USP14: variants seen among roughly 807,000 people sequenced by gnomAD.
USP14 encodes ubiquitin carboxyl-terminal hydrolase 14.
A neutral mutation model predicts 76.5 loss-of-function variants in USP14; 38 were observed. The ratio of observed to expected loss-of-function variants is 0.50; its 90% CI spans 0.38 to 0.65. The LOEUF (loss-of-function observed/expected upper bound fraction) is 0.65, where lower values mean the gene tolerates loss of function less well. Ranked by LOEUF, USP14 falls within the 30% of genes least tolerant of loss-of-function variation. USP14 has a pLI of 0.00. For missense variants in USP14, 467 were observed against 586.5 expected, an observed-to-expected ratio of 0.80 and a Z score of 2.10; for synonymous variants, 192 against 191.7, an observed-to-expected ratio of 1.00 and a Z score of -0.01.
intron 2 of USP14, among the ~76,000 whole-genome samples, chr18:164,714 A>G (rs984392184): frequency 1.8e-4 from 28 of 152,258 alleles, no homozygotes; most frequent in Non-Finnish European, 3.8e-4. Flanking sequence ...TTGGCCTCCC[A>G]GAGAGCTGGG....
chr18:211,062 C>CT lies in USP14; in HGVS notation c.1334-64dup. ...CTGCTGTGCCTCCGATGACTTGATA[C>CT]TTTTTTTGCAGTGGAACTCTGAGAC... is the stretch of plus-strand genomic sequence containing the variant. On this transcript the variant is annotated intron_variant, in intron 15 of 15. Coordinates refer to ENST00000261601, the MANE Select transcript of USP14 (RefSeq NM_005151.4). 9.9e-6 allele frequency: 15 copies of CT among 1,514,970 alleles called. No homozygotes were observed. The South Asian group carries it at 1.2e-4, about 12-fold the overall frequency. 93.8% of individuals were successfully genotyped at this position (1,514,970 alleles called of 1,614,324 possible). A position where few individuals can be genotyped will look rare whatever the true frequency, so the allele number is the denominator to read the frequency against.
intron 5 of USP14, among the ~76,000 whole-genome samples, chr18:192,103 A>C (rs559001070): frequency 6.6e-6 from 1 of 152,372 alleles, no homozygotes; most frequent in South Asian, 2.1e-4. Flanking sequence ...TACAACCTTA[A>C]GTGACCTATT....
intron 5 of USP14, among the ~76,000 whole-genome samples, chr18:181,469 A>G (rs1909787807): frequency 6.6e-6 from 1 of 152,024 alleles, no homozygotes; most frequent in Non-Finnish European, 1.5e-5. Flanking sequence ...CCATTTGTAT[A>G]TCTTCTTTGG....
intron 2 of USP14, among the ~76,000 whole-genome samples, chr18:164,690 G>C (rs1033885163): frequency 1.3e-5 from 2 of 152,128 alleles, no homozygotes; most frequent in Non-Finnish European, 2.9e-5. Context: ...CTGACCTCAA[G>C]TGATCTGCCC....
At chr18:197,540 A>G in intron 7 of USP14, 76 bp from the exon 8 acceptor site, 1 of 1,155,210 alleles carries the variant, frequency 8.7e-7, no homozygotes, top group Non-Finnish European at 1.3e-6. Context: ...TGCCTAGGAG[A>G]CAGTGATTAT....
At chr18:181,875 G>T (rs2144237810) in intron 5 of USP14, among the ~76,000 whole-genome samples, 1 of 152,066 alleles carries the variant, frequency 6.6e-6, no homozygotes, top group South Asian at 2.1e-4. Flanking sequence ...TTCTATTCAG[G>T]CCTGTGGTTA....
chr18:186,550 C>G (rs1202981183), intron 5 of USP14, among the ~76,000 whole-genome samples: 1 of 152,074 alleles, frequency 6.6e-6, no homozygotes, highest in Admixed American at 6.5e-5. Flanking sequence ...GTCAGGAGTT[C>G]AAGACCAGCT....
At chr18:168,590 A>G (rs1222300944) in intron 3 of USP14, among the ~76,000 whole-genome samples, 2 of 151,664 alleles carry the variant, frequency 1.3e-5, no homozygotes, top group Non-Finnish European at 2.9e-5. Flanking sequence ...GCCTACCACC[A>G]TGCCTGGCTA....
chr18:165,926 T>C (rs183168602), intron 2 of USP14, among the ~76,000 whole-genome samples: 4 of 152,280 alleles, frequency 2.6e-5, no homozygotes, highest in Admixed American at 2.6e-4. Flanking sequence ...GGGAGTAATA[T>C]AGAATCGACT....
chr18:211,882 TTGATTATACATTTATTATTG>T lies in USP14; in HGVS notation c.*601_*620del, dbSNP rs1188994092. 1 of 149,510 alleles carries T rather than the reference TTGATTATACATTTATTATTG, an allele frequency of 6.7e-6. No homozygotes were observed. Among genetic ancestry groups the T allele is most frequent in the African/African-American group, 2.4e-5 (1 of 41,328 alleles). The allele number at this position is 149,510 out of a possible 1,614,324, so 9.3% of individuals were successfully genotyped here. A position where few individuals can be genotyped will look rare whatever the true frequency, so the allele number is the denominator to read the frequency against. The stretch of plus-strand genomic sequence containing the variant: ...TAAATTGTGATCAATAATAGTACCT[TTGATTATACATTTATTATTG>T]TGTCTCTCTCTGATGTACTGTGGAT... On this transcript the variant is annotated 3_prime_UTR_variant, in exon 16 of 16. Transcript: ENST00000261601.
At chr18:179,631 C>T (rs374155673) in intron 4 of USP14, among the ~76,000 whole-genome samples, 14 of 147,250 alleles carry the variant, frequency 9.5e-5, no homozygotes, top group African/African-American at 3.5e-4. Context: ...TCTGTCACCC[C>T]GGCTGGAGTG....
At chr18:185,471 T>A (rs1909903968) in intron 5 of USP14, among the ~76,000 whole-genome samples, 2 of 151,926 alleles carry the variant, frequency 1.3e-5, no homozygotes, top group African/African-American at 2.4e-5. Context: ...ATTTGTCTGT[T>A]AACACTAGCG....
intron 3 of USP14, among the ~76,000 whole-genome samples, chr18:171,981 C>A (rs1909476957): frequency 6.6e-6 from 1 of 152,140 alleles, no homozygotes; most frequent in African/African-American, 2.4e-5. Context: ...TGGCTCACTC[C>A]TATAATCCCA....
chr18:163,367 C>T lies in USP14; in HGVS notation c.76C>T (p.Pro26Ser), dbSNP rs201975297. 1.2e-6 allele frequency: 2 copies of T among 1,613,970 alleles called. No individual in the cohort carries two copies. Among genetic ancestry groups the T allele is most frequent in the East Asian group, 2.2e-5 (1 of 44,882 alleles). ...EGVELNTDEPPMVFKAQLFAL... is the reference protein window; with the variant it reads ...EGVELNTDEPSMVFKAQLFAL... ...TGTAGAATTGAATACAGATGAACCT[C>T]CAATGGTATTCAAGGCTCAGCTGTT... Residue 26 changes from proline (P) to serine (S), a missense_variant, in exon 2 of 16, where the codon CCA becomes TCA. By Grantham distance (74) the Pro-to-Ser change is moderately conservative. Coordinates refer to ENST00000261601, the MANE Select transcript of USP14 (RefSeq NM_005151.4).
At chr18:202,995 T>G (rs1162560440) in intron 11 of USP14, 50 bp downstream of exon 11, 1 of 1,608,272 alleles carries the variant, frequency 6.2e-7, no homozygotes, top group East Asian at 2.2e-5. Flanking sequence ...CTGAAATATT[T>G]CCAGTTAATT....
chr18:170,580 C>A (rs1218424118), intron 3 of USP14, among the ~76,000 whole-genome samples: 1 of 152,114 alleles, frequency 6.6e-6, no homozygotes, highest in Non-Finnish European at 1.5e-5. Context: ...AGTGATAAAG[C>A]AAAGCAGCCT....
intron 10 of USP14, among the ~76,000 whole-genome samples, chr18:199,536 A>G (rs988403006): frequency 2.0e-5 from 3 of 152,068 alleles, no homozygotes; most frequent in Non-Finnish European, 2.9e-5. Flanking sequence ...GGAATGTTAG[A>G]ACTGTTGTTT....
intron 3 of USP14, among the ~76,000 whole-genome samples, chr18:178,671 G>A (rs1288018065): frequency 6.6e-6 from 1 of 152,094 alleles, no homozygotes. Context: ...TTTTAGTAGT[G>A]TATTTACAGA....
chr18:209,314 C>T (rs1433472043), intron 13 of USP14, among the ~76,000 whole-genome samples: 1 of 152,210 alleles, frequency 6.6e-6, no homozygotes, highest in Non-Finnish European at 1.5e-5. Context: ...CTTGCCATCA[C>T]AGCTACCTGT....
Sources: allele counts gnomAD v4.1 joint callset (sites outside exome capture counted in the v4.1 genomes callset), GRCh38; gene constraint gnomAD v4.1.1; transcripts MANE v1.5; gene names NCBI Gene and HGNC (gene_info 2026-07-23, HGNC 2026-07-21).